TOX: variants seen among roughly 807,000 people sequenced by gnomAD.
TOX encodes thymocyte selection-associated high mobility group box protein TOX.
A neutral mutation model predicts 53.7 loss-of-function variants in TOX; 11 were observed. The observed-to-expected ratio is 0.20, with a 90% CI of 0.13 to 0.34. The LOEUF (loss-of-function observed/expected upper bound fraction) is 0.34. TOX is among the 10% of genes least tolerant of loss of function. The pLI, the probability that TOX is intolerant of heterozygous loss-of-function variation, is 1.00. For synonymous variants in TOX, 225 were observed against 245.3 expected (o/e 0.92, Z 0.77); for missense variants, 570 against 664.6 (o/e 0.86, Z 1.56).
At chr8:58,971,441 TA>T (rs1321479216) in intron 1 of TOX, among the ~76,000 whole-genome samples, 1 of 152,172 alleles carries the variant, frequency 6.6e-6, no homozygotes, top group African/African-American at 2.4e-5. Context: ...GGAACGAGAG[TA>T]AAAATTGTTC....
At chr8:58,998,534 T>TATATATA (rs1554537351) in intron 1 of TOX, among the ~76,000 whole-genome samples, 113 of 18,206 alleles carry the variant, frequency 6.2e-3, no homozygotes, top group Middle Eastern at 0.021. Context: ...TATATATATA[T>TATATATA]ATATAAATTT....
intron 3 of TOX, among the ~76,000 whole-genome samples, chr8:58,932,558 T>C (rs1018849369): frequency 2.6e-5 from 4 of 152,214 alleles, no homozygotes; most frequent in African/African-American, 9.6e-5. Context: ...CTTTATGCAT[T>C]ACATGAAATA....
At chr8:58,956,667 T>C (rs538929201) in intron 2 of TOX, among the ~76,000 whole-genome samples, 1 of 152,326 alleles carries the variant, frequency 6.6e-6, no homozygotes, top group South Asian at 2.1e-4. Context: ...AGTGGTGCGA[T>C]CTCAACTCAC....
At position 59,041,185 on chromosome 8, in the gene TOX, T is replaced by C. The variant is rs552207790; in HGVS notation, c.102+77701A>G. ...TTCATAAGTATTTTCATTTAATAGGTATTAAATGTACATTGTTTTCCTCCC... is the reference window on the plus strand; with the variant it reads ...TTCATAAGTATTTTCATTTAATAGGCATTAAATGTACATTGTTTTCCTCCC... On this transcript the variant is annotated intron_variant, in intron 1 of 8. Transcript: ENST00000361421. Among the ~76,000 whole-genome samples, 11 of 152,116 alleles carry C rather than the reference T, an allele frequency of 7.2e-5. No individual in the cohort carries two copies. In the East Asian group the frequency reaches 2.1e-3, roughly 30 times the overall value.
intron 1 of TOX, among the ~76,000 whole-genome samples, chr8:58,989,014 T>A (rs1355118848): frequency 6.6e-6 from 1 of 152,178 alleles, no homozygotes; most frequent in Non-Finnish European, 1.5e-5. Flanking sequence ...AGAGATTATC[T>A]CACTATTACA....
At chr8:59,066,476 T>C (rs1369836458) in intron 1 of TOX, among the ~76,000 whole-genome samples, 1 of 152,148 alleles carries the variant, frequency 6.6e-6, no homozygotes, top group Non-Finnish European at 1.5e-5. Context: ...AAAATTCCAA[T>C]AACAGATAGA....
intron 1 of TOX, among the ~76,000 whole-genome samples, chr8:59,060,992 G>A (rs1318723428): frequency 6.6e-6 from 1 of 152,166 alleles, no homozygotes; most frequent in African/African-American, 2.4e-5. Context: ...CCTGCTGAAT[G>A]TTCTTCCCTT....
chr8:58,807,902 G>A, intron 8 of TOX, 119 bp from the exon 9 acceptor site: 1 of 1,370,456 alleles, frequency 7.3e-7, no homozygotes, highest in Non-Finnish European at 1.0e-6. Flanking sequence ...CTGGGAAACT[G>A]CAATTAGTTA....
At chr8:58,883,812 T>C (rs571746783) in intron 3 of TOX, among the ~76,000 whole-genome samples, 2 of 152,270 alleles carry the variant, frequency 1.3e-5, no homozygotes, top group East Asian at 3.9e-4. Context: ...AGAAGACATA[T>C]GATTGACTTG....
At chr8:59,041,605 T>C (rs1199156091) in intron 1 of TOX, among the ~76,000 whole-genome samples, 1 of 152,230 alleles carries the variant, frequency 6.6e-6, no homozygotes, top group Non-Finnish European at 1.5e-5. Flanking sequence ...GACCACTCAC[T>C]AGCTGTATAA....
In TOX at chr8:58,869,152, G is replaced by C. The variant is rs528509428; in HGVS notation, c.412-17347C>G. ...TAAGGCAAGGGAATCACTTGAACCCGGGAGGCAGAGGTTGCAGTGAGCTGA... is the reference window on the plus strand; with the variant it reads ...TAAGGCAAGGGAATCACTTGAACCCCGGAGGCAGAGGTTGCAGTGAGCTGA... On this transcript the variant is annotated intron_variant, in intron 3 of 8. Transcript: ENST00000361421. 6.7e-5 allele frequency among the ~76,000 whole-genome samples: 10 copies of C among 150,236 alleles called. No individual in the cohort carries two copies. The South Asian group carries it at 8.4e-4, about 13-fold the overall frequency.
intron 1 of TOX, among the ~76,000 whole-genome samples, chr8:59,106,206 G>T (rs1804898134): frequency 7.2e-6 from 1 of 139,302 alleles, no homozygotes; most frequent in Non-Finnish European, 1.5e-5. Flanking sequence ...CCCCACCCCA[G>T]GCCAGATCTT....
At chr8:59,053,287 G>A (rs78151358) in intron 1 of TOX, among the ~76,000 whole-genome samples, 295 of 152,152 alleles carry the variant, frequency 1.9e-3, no homozygotes, top group African/African-American at 6.8e-3. Context: ...ATGTTACAAT[G>A]AGAAAATATT....
intron 1 of TOX, among the ~76,000 whole-genome samples, chr8:59,068,425 A>T (rs1804135015): frequency 6.6e-6 from 1 of 152,032 alleles, no homozygotes; most frequent in Admixed American, 6.5e-5. Context: ...AGAGGAAAAA[A>T]AGAGGTGACA....
chr8:58,863,833 C>A (rs1336635400), intron 3 of TOX, among the ~76,000 whole-genome samples: 1 of 152,018 alleles, frequency 6.6e-6, no homozygotes, highest in Non-Finnish European at 1.5e-5. Context: ...TAACTCACAG[C>A]CTGGAAGACA....
chr8:58,913,054 C>T (rs1002904346), intron 3 of TOX, among the ~76,000 whole-genome samples: 22 of 152,202 alleles, frequency 1.4e-4, no homozygotes, highest in Non-Finnish European at 3.1e-4. Context: ...TGGCCCCAAT[C>T]GAATGTTTAT....
At chr8:58,949,039 TA>T (rs1421673124) in intron 2 of TOX, among the ~76,000 whole-genome samples, 1 of 152,184 alleles carries the variant, frequency 6.6e-6, no homozygotes, top group Non-Finnish European at 1.5e-5. Flanking sequence ...CATCCCTTAG[TA>T]GATGTATTTA....
At chr8:58,984,624 CA>C (rs1563409156) in intron 1 of TOX, among the ~76,000 whole-genome samples, 2 of 151,594 alleles carry the variant, frequency 1.3e-5, no homozygotes, top group Admixed American at 6.6e-5. Flanking sequence ...ACTAAAAATC[CA>C]AAAAATAATT....
intron 3 of TOX, among the ~76,000 whole-genome samples, chr8:58,877,859 A>T (rs9693035): frequency 0.59 from 71,527 of 121,938 alleles, 17,075 homozygotes; most frequent in Middle Eastern, 0.69. Context: ...CCTACATATT[A>T]AAAAAAAAAA....
Sources: allele counts gnomAD v4.1 joint callset (sites outside exome capture counted in the v4.1 genomes callset), GRCh38; gene constraint gnomAD v4.1.1; transcripts MANE v1.5; gene names NCBI Gene and HGNC (gene_info 2026-07-23, HGNC 2026-07-21).